The following GRID2 variants were observed in gnomAD, a reference collection of about 807,000 sequenced individuals.
GRID2 encodes the protein glutamate receptor ionotropic, delta-2.
GRID2 carries 33 observed loss-of-function variants against 114.8 expected under a neutral mutation model. The ratio of observed to expected loss-of-function variants is 0.29; its 90% CI spans 0.22 to 0.38. The LOEUF is 0.38. Ranked by LOEUF, GRID2 falls within the 10% of genes least tolerant of loss-of-function variation. The pLI, the probability that GRID2 is intolerant of heterozygous loss-of-function variation, is 1.00. For synonymous variants in GRID2, 505 were observed against 449.9 expected, an observed-to-expected ratio of 1.12 and a Z score of -1.55; for missense variants, 1,184 against 1,257.7, an observed-to-expected ratio of 0.94 and a Z score of 0.89.
intron 8 of GRID2, among the ~76,000 whole-genome samples, chr4:93,370,390 AACACACACAAACAC>A (rs1036342153): frequency 3.3e-4 from 48 of 144,408 alleles, no homozygotes; most frequent in East Asian, 1.0e-3. Context: ...CACACACACA[AACACACACAAACAC>A]ACACACACAA....
chr4:93,318,012 TA>T (rs1756855036), intron 8 of GRID2, among the ~76,000 whole-genome samples: 2 of 138,880 alleles, frequency 1.4e-5, no homozygotes, highest in African/African-American at 2.6e-5. Context: ...TATATATATA[TA>T]TATATATATT....
chr4:93,532,432 G>C (rs922638766), intron 13 of GRID2, among the ~76,000 whole-genome samples: 6 of 152,072 alleles, frequency 3.9e-5, no homozygotes, highest in African/African-American at 1.4e-4. Context: ...CACCCCATCT[G>C]CTCAGCAGTA....
chr4:92,618,127 T>C (rs1351850179), intron 2 of GRID2, among the ~76,000 whole-genome samples: 6 of 151,746 alleles, frequency 4.0e-5, no homozygotes, highest in Admixed American at 3.3e-4. Flanking sequence ...TGTTTTCTTC[T>C]AAAAATTATA....
chr4:93,721,246 A>G (rs1305783812), intron 14 of GRID2, among the ~76,000 whole-genome samples: 1 of 152,190 alleles, frequency 6.6e-6, no homozygotes, highest in African/African-American at 2.4e-5. Flanking sequence ...CTAAAAAGGG[A>G]TAAAATATTA....
chr4:92,791,172 AAATGAG>A (rs1486681043), intron 2 of GRID2, among the ~76,000 whole-genome samples: 1 of 151,834 alleles, frequency 6.6e-6, no homozygotes, highest in East Asian at 1.9e-4. Flanking sequence ...GAAATACCAA[AAATGAG>A]AAAGAGAATG....
At chr4:93,780,678 T>C (rs967183474) in intron 1 of GRID2, among the ~76,000 whole-genome samples, 29 of 152,210 alleles carry the variant, frequency 1.9e-4, no homozygotes, top group Non-Finnish European at 1.6e-4. Flanking sequence ...TGCCAGCTGC[T>C]GGTCCTTGAA....
chr4:93,678,148 G>A lies in GRID2; in HGVS notation c.2360+51713G>A, dbSNP rs142086917. Among the ~76,000 whole-genome samples, 340 of 152,214 alleles carry A rather than the reference G, an allele frequency of 2.2e-3. 2 individuals are homozygous for A. Among genetic ancestry groups the A allele is most frequent in the African/African-American group, 6.5e-3 (270 of 41,526 alleles). On this transcript the variant is annotated intron_variant, in intron 14 of 15. Transcript: ENST00000282020. ...GAAGAATGTAGAAGCCTCAGGAGCCGACGCGATCAACTGGAAGAAAGGGTA... is the reference window on the plus strand; with the variant it reads ...GAAGAATGTAGAAGCCTCAGGAGCCAACGCGATCAACTGGAAGAAAGGGTA...
intron 7 of GRID2, among the ~76,000 whole-genome samples, chr4:93,228,205 G>GTTTC (rs1745721333): frequency 6.6e-6 from 1 of 152,046 alleles, no homozygotes; most frequent in Non-Finnish European, 1.5e-5. Flanking sequence ...AATTTATTTG[G>GTTTC]CACACAGTTC....
At chr4:93,791,438 G>A (rs1578797223) in intron 1 of GRID2, among the ~76,000 whole-genome samples, 2 of 151,996 alleles carry the variant, frequency 1.3e-5, no homozygotes, top group East Asian at 3.9e-4. Context: ...AGTAAGGCAG[G>A]TCTATTTAGA....
intron 13 of GRID2, among the ~76,000 whole-genome samples, chr4:93,614,610 C>T (rs531618507): frequency 1.6e-4 from 24 of 151,954 alleles, no homozygotes; most frequent in African/African-American, 5.1e-4. Context: ...AACAACAGGA[C>T]GAGTTAACAG....
chr4:93,294,029 G>A (rs889379364), intron 8 of GRID2, among the ~76,000 whole-genome samples: 4 of 152,178 alleles, frequency 2.6e-5, no homozygotes, highest in African/African-American at 9.7e-5. Context: ...TAGATGAAGG[G>A]AAAGTCATTA....
At chr4:93,425,691 T>G (rs1768776322) in intron 10 of GRID2, among the ~76,000 whole-genome samples, 1 of 152,180 alleles carries the variant, frequency 6.6e-6, no homozygotes, top group Non-Finnish European at 1.5e-5. Context: ...ATCCTCCTTC[T>G]TGTGTTTCCC....
At chr4:92,536,440 C>T (rs970454200) in intron 1 of GRID2, among the ~76,000 whole-genome samples, 2 of 152,164 alleles carry the variant, frequency 1.3e-5, no homozygotes, top group Admixed American at 6.6e-5. Flanking sequence ...TTGCATAGTA[C>T]TAGACAGACC....
intron 4 of GRID2, among the ~76,000 whole-genome samples, chr4:93,140,160 C>CTTTTTTTT (rs10684978): frequency 3.2e-4 from 41 of 128,258 alleles, no homozygotes; most frequent in African/African-American, 6.0e-4. Context: ...CTTTTCTTTT[C>CTTTTTTTT]TTTTTTTTTT....
chr4:93,170,278 T>C (rs1055419503), intron 4 of GRID2, among the ~76,000 whole-genome samples: 4 of 152,138 alleles, frequency 2.6e-5, no homozygotes, highest in Non-Finnish European at 5.9e-5. Context: ...GAGATGGGGT[T>C]TCGCCACGTT....
At chr4:93,748,702 A>G (rs1171269394) in intron 14 of GRID2, among the ~76,000 whole-genome samples, 8 of 30,906 alleles carry the variant, frequency 2.6e-4, no homozygotes, top group Non-Finnish European at 4.2e-4. Flanking sequence ...AGGCTCCCCA[A>G]AAAAATAATG....
intron 4 of GRID2, among the ~76,000 whole-genome samples, chr4:93,178,380 ATTTTTTTTTTTTTTTTT>A (rs11428288): frequency 1.4e-4 from 7 of 50,312 alleles, no homozygotes; most frequent in Admixed American, 7.5e-4. Context: ...TTGAAAATAG[ATTTTTTTTTTTTTTTTT>A]TTTTTTTTTT....
chr4:92,461,218 C>T (rs1458999671), intron 1 of GRID2, among the ~76,000 whole-genome samples: 3 of 151,794 alleles, frequency 2.0e-5, no homozygotes, highest in African/African-American at 4.8e-5. Context: ...CAACTTTTAT[C>T]GTAGGAATGT....
At chr4:92,997,531 GA>G (rs1755277226) in intron 2 of GRID2, among the ~76,000 whole-genome samples, 1 of 152,104 alleles carries the variant, frequency 6.6e-6, no homozygotes, top group Non-Finnish European at 1.5e-5. Flanking sequence ...CAGTTTCTTG[GA>G]AGAAATTGTT....
Sources: gnomAD v4.1 joint callset for allele counts (sites outside exome capture counted in the v4.1 genomes callset) on GRCh38, gnomAD v4.1.1 for gene constraint, MANE v1.5 for transcripts, NCBI Gene and HGNC (gene_info 2026-07-23, HGNC 2026-07-21) for gene names.